Variants in PCDH15 observed in about 807,000 individuals in gnomAD.
PCDH15 encodes the protein protocadherin related 15.
Under a neutral mutation model 178.5 loss-of-function variants are expected in PCDH15, and 129 were observed. The observed-to-expected ratio is 0.72, with a 90% CI of 0.63 to 0.84. The LOEUF is 0.84. Among genes scored for constraint, PCDH15 ranks in the 40% least tolerant of loss-of-function variants. The pLI, the probability that PCDH15 is intolerant of heterozygous loss-of-function variation, is 0.00. For missense variants in PCDH15, 2,230 were observed against 2,099.9 expected (o/e 1.06, Z -1.21); for synonymous variants, 800 against 732.0 (o/e 1.09, Z -1.50).
chr10:54,701,679 A>C (rs2095310429), intron 1 of PCDH15, among the ~76,000 whole-genome samples: 1 of 152,156 alleles, frequency 6.6e-6, no homozygotes, highest in Non-Finnish European at 1.5e-5. Context: ...AACAGAGTTT[A>C]AACACACAAG....
chr10:55,616,053 C>T (rs1843466396), intron 2 of PCDH15, among the ~76,000 whole-genome samples: 2 of 152,192 alleles, frequency 1.3e-5, no homozygotes, highest in South Asian at 4.1e-4. Flanking sequence ...AGTCAGAATG[C>T]TGTATCTAAG....
intron 1 of PCDH15, among the ~76,000 whole-genome samples, chr10:55,269,100 A>G (rs146623910): frequency 8.1e-4 from 124 of 152,240 alleles, no homozygotes; most frequent in Middle Eastern, 3.4e-3. Flanking sequence ...CATGATAACC[A>G]CAATCAACCA....
At chr10:54,050,517 G>C (rs1590122667) in intron 18 of PCDH15, among the ~76,000 whole-genome samples, 1 of 151,838 alleles carries the variant, frequency 6.6e-6, no homozygotes, top group African/African-American at 2.4e-5. Flanking sequence ...CCAACTTTTG[G>C]TTTCATTGAT....
intron 2 of PCDH15, among the ~76,000 whole-genome samples, chr10:55,620,052 C>G (rs907996267): frequency 3.3e-5 from 5 of 152,012 alleles, no homozygotes; most frequent in Non-Finnish European, 7.4e-5. Context: ...ATGCCCTTGC[C>G]TAAGCATATG....
intron 3 of PCDH15, among the ~76,000 whole-genome samples, chr10:54,494,308 T>C (rs759706627): frequency 5.6e-4 from 85 of 152,244 alleles, no homozygotes; most frequent in Non-Finnish European, 1.1e-3. Flanking sequence ...AGAATCACCC[T>C]TTCCCATACA....
intron 1 of PCDH15, among the ~76,000 whole-genome samples, chr10:54,785,041 C>G (rs745896007): frequency 6.6e-6 from 1 of 151,686 alleles, no homozygotes; most frequent in African/African-American, 2.4e-5. Context: ...CATTTCAGAA[C>G]GGAACACAGA....
chr10:55,375,414 C>T (rs1170532977), intron 2 of PCDH15, among the ~76,000 whole-genome samples: 1 of 151,914 alleles, frequency 6.6e-6, no homozygotes, highest in Non-Finnish European at 1.5e-5. Flanking sequence ...TCATTGTTTC[C>T]TGTAATCGTG....
At chr10:55,148,789 T>C (rs1838603586) in intron 2 of PCDH15, among the ~76,000 whole-genome samples, 1 of 150,404 alleles carries the variant, frequency 6.6e-6, no homozygotes, top group Non-Finnish European at 1.5e-5. Flanking sequence ...TCAAATCTTA[T>C]ATATAAAACA....
chr10:55,403,478 A>AT (rs1025533100), intron 2 of PCDH15, among the ~76,000 whole-genome samples: 1 of 151,362 alleles, frequency 6.6e-6, no homozygotes, highest in East Asian at 1.9e-4. Context: ...TCCCCTCATG[A>AT]TTTTTTCTAG....
At chr10:53,958,871 C>T (rs2166627) in intron 23 of PCDH15, among the ~76,000 whole-genome samples, 103,250 of 149,576 alleles carry the variant, frequency 0.69, 35,834 homozygotes, top group East Asian at 0.87. Context: ...CCCAGCTACT[C>T]GGGAGGCTGA....
chr10:55,116,833 T>C (rs1222081149), intron 2 of PCDH15, among the ~76,000 whole-genome samples: 1 of 152,162 alleles, frequency 6.6e-6, no homozygotes, highest in African/African-American at 2.4e-5. Flanking sequence ...TCCTCTGAAG[T>C]GGACCATAAG....
At chr10:54,083,768 A>T (rs10825226) in intron 16 of PCDH15, among the ~76,000 whole-genome samples, 81,569 of 152,026 alleles carry the variant, frequency 0.54, 22,679 homozygotes, top group African/African-American at 0.69. Context: ...TAAAATGGTT[A>T]ATTTTGTGCT....
chr10:54,622,733 T>TA (rs2093424224), intron 2 of PCDH15, among the ~76,000 whole-genome samples: 1 of 35,896 alleles, frequency 2.8e-5, no homozygotes, highest in Non-Finnish European at 5.8e-5. Context: ...TATTATATAA[T>TA]TATATATATA....
chr10:55,482,023 T>A (rs1324320991), intron 2 of PCDH15, among the ~76,000 whole-genome samples: 1 of 151,902 alleles, frequency 6.6e-6, no homozygotes, highest in East Asian at 1.9e-4. Context: ...TTGTATTAGG[T>A]GCAAATATAT....
At position 54,492,152 on chromosome 10, in the gene PCDH15, A is replaced by G. The variant is rs1320107941; in HGVS notation, c.157+35660T>C. Among the ~76,000 whole-genome samples the G allele has an allele frequency of 3.3e-5, 5 of 152,308 alleles. No individual in the cohort carries two copies. In the South Asian group the frequency reaches 1.0e-3, roughly 32 times the overall value. On this transcript the variant is annotated intron_variant, in intron 3 of 37. Coordinates refer to ENST00000644397, the MANE Select transcript of PCDH15 (RefSeq NM_001384140.1). ...CAAGGTGAAACACATTCCAAGTAGT[A>G]GCTTAAAATGTCAGTATCATACATG...
At chr10:54,532,510 T>C (rs939159149) in intron 2 of PCDH15, among the ~76,000 whole-genome samples, 59 of 152,178 alleles carry the variant, frequency 3.9e-4, no homozygotes, top group African/African-American at 1.4e-3. Flanking sequence ...AGTGATAACA[T>C]TGACCTTGTT....
intron 2 of PCDH15, chr10:54,654,834 T>G (rs2094339712): frequency 6.6e-6 from 1 of 152,202 alleles, no homozygotes; most frequent in Non-Finnish European, 1.5e-5. Context: ...AGCATCCACC[T>G]TACCGGATAT....
intron 2 of PCDH15, among the ~76,000 whole-genome samples, chr10:55,103,830 G>T (rs2132048595): frequency 6.6e-6 from 1 of 152,158 alleles, no homozygotes. Flanking sequence ...GGTTCTGGGT[G>T]GCCAGGGGTA....
At chr10:54,632,269 G>A (rs1447285879) in intron 2 of PCDH15, among the ~76,000 whole-genome samples, 1 of 151,950 alleles carries the variant, frequency 6.6e-6, no homozygotes, top group Non-Finnish European at 1.5e-5. Context: ...CACTAGCACT[G>A]GGAACTACTA....
Sources: allele counts gnomAD v4.1 joint callset (sites outside exome capture counted in the v4.1 genomes callset), GRCh38; gene constraint gnomAD v4.1.1; transcripts MANE v1.5; gene names NCBI Gene and HGNC (gene_info 2026-07-23, HGNC 2026-07-21).